Variants in XRCC6 observed in about 807,000 individuals in gnomAD.
XRCC6 encodes X-ray repair cross complementing 6, also known as DNA repair protein Ku70.
XRCC6 carries 5 observed loss-of-function variants against 65.7 expected under a neutral mutation model. The ratio of observed to expected loss-of-function variants is 0.08; its 90% CI spans 0.04 to 0.16. The LOEUF is 0.16. Ranked by LOEUF, XRCC6 falls within the 10% of genes least tolerant of loss-of-function variation. XRCC6 has a pLI of 1.00. For missense variants in XRCC6, 447 were observed against 738.1 expected, an observed-to-expected ratio of 0.61 and a Z score of 4.57; for synonymous variants, 270 against 270.6, an observed-to-expected ratio of 1.00 and a Z score of 0.02.
At chr22:41,622,795 A>T (rs963085047) in intron 2 of XRCC6, among the ~76,000 whole-genome samples, 1 of 151,998 alleles carries the variant, frequency 6.6e-6, no homozygotes, top group Non-Finnish European at 1.5e-5. Context: ...AATACAAAAA[A>T]TTAGCCGGGC....
chr22:41,638,227 G>A (rs759057058), intron 6 of XRCC6, among the ~76,000 whole-genome samples: 4 of 151,386 alleles, frequency 2.6e-5, no homozygotes, highest in Non-Finnish European at 4.4e-5. Flanking sequence ...ATCCTTAGCT[G>A]TACTCACTAG....
chr22:41,663,472 G>T, intron 12 of XRCC6, 150 bp from the exon 13 acceptor site: 1 of 817,322 alleles, frequency 1.2e-6, no homozygotes, highest in Non-Finnish European at 2.0e-6. Context: ...CTACCTTATC[G>T]AGATAAGTCT....
intron 3 of XRCC6, among the ~76,000 whole-genome samples, chr22:41,631,173 G>T (rs939560438): frequency 4.0e-5 from 6 of 151,416 alleles, no homozygotes; most frequent in African/African-American, 4.8e-5. Context: ...GGACGGGGCG[G>T]CTGGCCAGGC....
intron 3 of XRCC6, 123 bp from the exon 4 acceptor site, chr22:41,635,990 C>A: frequency 1.3e-6 from 1 of 789,138 alleles, no homozygotes; most frequent in Non-Finnish European, 1.9e-6. Flanking sequence ...AGGTAGGGAT[C>A]TTGCCTTATT....
At position 41,650,977 on chromosome 22, in the gene XRCC6, A is replaced by G. The variant is rs1301830597; in HGVS notation, c.1129+86A>G. ...CTTTGTAAATGGGCACTGCTTGGACACTGTACAGGAAATGTTAATGGAGTA... is the reference window on the plus strand; with the variant it reads ...CTTTGTAAATGGGCACTGCTTGGACGCTGTACAGGAAATGTTAATGGAGTA... On this transcript the variant is annotated intron_variant, in intron 8 of 12. Coordinates refer to ENST00000360079, the MANE Select transcript of XRCC6 (RefSeq NM_001469.5). 2.6e-6 allele frequency: 4 copies of G among 1,512,512 alleles called. No homozygotes were observed. The East Asian group carries it at 9.1e-5, about 34-fold the overall frequency. The allele number at this position is 1,512,512 out of a possible 1,614,324, so 93.7% of individuals were successfully genotyped here.
At chr22:41,645,066 C>T (rs896998990) in intron 6 of XRCC6, among the ~76,000 whole-genome samples, 11 of 151,322 alleles carry the variant, frequency 7.3e-5, no homozygotes, top group Admixed American at 2.6e-4. Context: ...TTTGGGAGGC[C>T]GAGGCGGGCG....
Position 41,622,067 on chromosome 22 carries a change from A to G in XRCC6, c.63A>G (p.Glu21=), listed in dbSNP as rs747920624. ...EGDEEAEEEQ[E]ENLEASGDYK... ...ATGAAGAAGCAGAGGAAGAACAAGA[A>G]GAGAACCTTGAAGCAAGTGGTAAGT... Residue 21 remains glutamate (E), a synonymous_variant, in exon 2 of 13, where the codon GAA becomes GAG. Transcript: ENST00000360079. 2.5e-6 allele frequency: 4 copies of G among 1,614,242 alleles called. No homozygotes were observed. The highest frequency in any genetic ancestry group is 3.4e-6 in the Non-Finnish European group (4 of 1,180,034).
At chr22:41,660,679 C>T (rs1033859182) in intron 11 of XRCC6, among the ~76,000 whole-genome samples, 5 of 152,132 alleles carry the variant, frequency 3.3e-5, no homozygotes, top group African/African-American at 1.2e-4. Flanking sequence ...GTGCCTTCTG[C>T]TTCTTATCTT....
At chr22:41,661,167 G>C (rs2068095591) in intron 11 of XRCC6, among the ~76,000 whole-genome samples, 164 bp from the exon 12 acceptor site, 2 of 152,276 alleles carry the variant, frequency 1.3e-5, no homozygotes, top group South Asian at 4.1e-4. Context: ...AGTAAATGCA[G>C]GTGTTGGAAG....
intron 10 of XRCC6, 37 bp from the exon 11 acceptor site, chr22:41,658,215 G>T: frequency 1.2e-6 from 2 of 1,600,796 alleles, no homozygotes; most frequent in Non-Finnish European, 1.7e-6. Flanking sequence ...TGTTTAAATT[G>T]TCATGTTTCA....
chr22:41,621,842 C>A, intron 1 of XRCC6, 148 bp from the exon 2 acceptor site: 1 of 684,852 alleles, frequency 1.5e-6, no homozygotes, highest in East Asian at 2.7e-5. Context: ...ACATGCAGTC[C>A]GACTGCCGAG....
At chr22:41,629,105 A>C (rs542541141) in intron 3 of XRCC6, among the ~76,000 whole-genome samples, 21 of 152,268 alleles carry the variant, frequency 1.4e-4, no homozygotes, top group Admixed American at 2.6e-4. Context: ...CACCCACTAT[A>C]TAAACAAACT....
intron 12 of XRCC6, chr22:41,661,688 A>G: frequency 2.3e-6 from 1 of 443,960 alleles, no homozygotes; most frequent in South Asian, 2.8e-5. Flanking sequence ...AGTTTCCTCA[A>G]AAAGTGAAAA....
At chr22:41,632,877 C>A (rs2067770857) in intron 3 of XRCC6, among the ~76,000 whole-genome samples, 1 of 150,816 alleles carries the variant, frequency 6.6e-6, no homozygotes, top group Admixed American at 6.6e-5. Context: ...GCCTGTAATC[C>A]CAGCACTTTG....
chr22:41,639,665 C>CTTTTTTTTTTTT (rs1236347721), intron 6 of XRCC6, among the ~76,000 whole-genome samples: 3 of 26,448 alleles, frequency 1.1e-4, no homozygotes, highest in Non-Finnish European at 1.5e-4. Context: ...TAGATTCTCT[C>CTTTTTTTTTTTT]TCTTTTTTTT....
chr22:41,646,096 G>A (rs1201819891), intron 6 of XRCC6, among the ~76,000 whole-genome samples: 1 of 151,900 alleles, frequency 6.6e-6, no homozygotes, highest in African/African-American at 2.4e-5. Flanking sequence ...GAGGTCAGGA[G>A]TTCAAGACCA....
At chr22:41,635,992 T>G in intron 3 of XRCC6, 121 bp from the exon 4 acceptor site, 1 of 805,162 alleles carries the variant, frequency 1.2e-6, no homozygotes, top group East Asian at 2.9e-5. Context: ...GTAGGGATCT[T>G]GCCTTATTTT....
intron 11 of XRCC6, 148 bp downstream of exon 11, chr22:41,658,500 C>A: frequency 1.4e-6 from 1 of 729,218 alleles, no homozygotes; most frequent in Non-Finnish European, 2.3e-6. Context: ...TTTTCCAGAC[C>A]AGCTTAAACA....
intron 11 of XRCC6, among the ~76,000 whole-genome samples, chr22:41,658,992 G>C (rs1326951584): frequency 6.6e-6 from 1 of 152,144 alleles, no homozygotes; most frequent in African/African-American, 2.4e-5. Flanking sequence ...GGTGGATTTG[G>C]GTTTAGAATC....
Sources: gnomAD v4.1 joint callset for allele counts (sites outside exome capture counted in the v4.1 genomes callset) on GRCh38, gnomAD v4.1.1 for gene constraint, MANE v1.5 for transcripts, NCBI Gene and HGNC (gene_info 2026-07-23, HGNC 2026-07-21) for gene names.